ERBB4: variants seen among roughly 807,000 people sequenced by gnomAD.
ERBB4 encodes receptor tyrosine-protein kinase erbB-4.
ERBB4 carries 42 observed loss-of-function variants against 158.0 expected under a neutral mutation model. The observed-to-expected ratio is 0.27, with a 90% confidence interval of 0.21 to 0.34. The LOEUF (loss-of-function observed/expected upper bound fraction) is 0.34. Ranked by LOEUF, ERBB4 falls within the 10% of genes least tolerant of loss-of-function variation. The pLI is 1.00. For synonymous variants in ERBB4, 583 were observed against 558.7 expected (o/e 1.04, Z -0.61); for missense variants, 1,333 against 1,624.1 (o/e 0.82, Z 3.08).
intron 3 of ERBB4, among the ~76,000 whole-genome samples, chr2:211,903,914 T>G (rs2079305600): frequency 6.6e-6 from 1 of 152,076 alleles, no homozygotes; most frequent in South Asian, 2.1e-4. Context: ...CTTATATATC[T>G]TATTTCATTA....
At chr2:212,015,039 AAAATATATATATATATATATATAT>A (rs2076480105) in intron 2 of ERBB4, among the ~76,000 whole-genome samples, 1 of 14,436 alleles carries the variant, frequency 6.9e-5, no homozygotes, top group African/African-American at 1.4e-4. Flanking sequence ...AAAAAAAAAA[AAAATATATATATATATATATATAT>A]ATATATATAT....
intron 1 of ERBB4, among the ~76,000 whole-genome samples, chr2:212,340,909 CAGTT>C (rs1259958909): frequency 1.3e-5 from 2 of 152,122 alleles, no homozygotes; most frequent in Non-Finnish European, 2.9e-5. Context: ...TCATCTATCT[CAGTT>C]AAGATTTTTA....
chr2:212,336,596 A>T (rs1231504421), intron 1 of ERBB4, among the ~76,000 whole-genome samples: 1 of 152,078 alleles, frequency 6.6e-6, no homozygotes, highest in African/African-American at 2.4e-5. Context: ...CCGAAATCAC[A>T]GACAAAATTT....
intron 1 of ERBB4, among the ~76,000 whole-genome samples, chr2:212,134,676 C>CTTTTTTTTTTT (rs869141215): frequency 2.9e-5 from 2 of 69,056 alleles, no homozygotes; most frequent in African/African-American, 6.3e-5. Context: ...TAAACACTTT[C>CTTTTTTTTTTT]TTTTTTTTTT....
intron 1 of ERBB4, among the ~76,000 whole-genome samples, chr2:212,175,609 T>TTTTC (rs199998937): frequency 5.2e-4 from 44 of 84,376 alleles, no homozygotes; most frequent in Admixed American, 1.7e-3. Flanking sequence ...GAATATGTAT[T>TTTTC]TTTTTTTTTT....
Position 211,856,653 on chromosome 2 carries a change from C to T in ERBB4, c.422-68494G>A, listed in dbSNP as rs143378213. 1.2e-3 allele frequency among the ~76,000 whole-genome samples: 175 copies of T among 152,170 alleles called. 1 individual carries two copies. The highest frequency in any genetic ancestry group is 1.7e-3 in the Non-Finnish European group (118 of 68,004). ...CCGCCCGCCTCGGCCTTCCAAAGTG[C>T]AGGGATTACAGGCGTGAGCCACTGC... On this transcript the variant is annotated intron_variant, in intron 3 of 27. Transcript: ENST00000342788.
intron 2 of ERBB4, among the ~76,000 whole-genome samples, chr2:211,961,680 A>G (rs2081183752): frequency 6.6e-6 from 1 of 152,202 alleles, no homozygotes. Context: ...AGTATTATAA[A>G]GTCTCTGGAT....
chr2:212,447,436 T>A (rs2047950), intron 1 of ERBB4, among the ~76,000 whole-genome samples: 59,670 of 152,022 alleles, frequency 0.39, 12,467 homozygotes, highest in African/African-American at 0.48. Flanking sequence ...TAATAATTAC[T>A]TTTTCCCAGA....
At chr2:212,434,627 TA>T (rs928417041) in intron 1 of ERBB4, among the ~76,000 whole-genome samples, 3 of 151,924 alleles carry the variant, frequency 2.0e-5, no homozygotes, top group Admixed American at 1.3e-4. Flanking sequence ...TTCATCTTAG[TA>T]AACTTCAAAT....
At chr2:211,676,639 A>G (rs2072085024) in intron 13 of ERBB4, among the ~76,000 whole-genome samples, 1 of 152,190 alleles carries the variant, frequency 6.6e-6, no homozygotes, top group African/African-American at 2.4e-5. Context: ...AGTCCTATAT[A>G]GTGTTGCGAG....
intron 17 of ERBB4, among the ~76,000 whole-genome samples, chr2:211,625,724 A>G (rs1370832622): frequency 6.6e-6 from 1 of 152,192 alleles, no homozygotes; most frequent in African/African-American, 2.4e-5. Context: ...TTTGATACAT[A>G]TGCTATATGT....
intron 2 of ERBB4, among the ~76,000 whole-genome samples, chr2:211,984,762 A>G (rs2125238883): frequency 6.6e-6 from 1 of 152,080 alleles, no homozygotes; most frequent in South Asian, 2.1e-4. Flanking sequence ...TTTTAGATGG[A>G]GTTTTGCTGG....
intron 1 of ERBB4, among the ~76,000 whole-genome samples, chr2:212,281,954 TAA>T (rs933690722): frequency 6.6e-6 from 1 of 151,812 alleles, no homozygotes; most frequent in African/African-American, 2.4e-5. Flanking sequence ...TTTATAAAAC[TAA>T]AAGTCAAAAA....
At chr2:211,513,316 A>G (rs966607254) in intron 20 of ERBB4, among the ~76,000 whole-genome samples, 1 of 141,310 alleles carries the variant, frequency 7.1e-6, no homozygotes, top group African/African-American at 2.6e-5. Context: ...GCGCCACTGC[A>G]GTCCGCAGTC....
intron 3 of ERBB4, among the ~76,000 whole-genome samples, chr2:211,880,288 A>G (rs1353143085): frequency 6.6e-6 from 1 of 152,112 alleles, no homozygotes; most frequent in Non-Finnish European, 1.5e-5. Context: ...CTGTTTTTCC[A>G]TTCATTAAAA....
chr2:211,540,369 C>T (rs1180079831), intron 20 of ERBB4, among the ~76,000 whole-genome samples: 1 of 151,818 alleles, frequency 6.6e-6, no homozygotes, highest in Non-Finnish European at 1.5e-5. Flanking sequence ...GCAACTCGTA[C>T]ACATAATTGC....
intron 1 of ERBB4, among the ~76,000 whole-genome samples, chr2:212,424,589 A>G (rs2091865328): frequency 6.6e-6 from 1 of 152,150 alleles, no homozygotes; most frequent in Admixed American, 6.6e-5. Context: ...ATATACTAAA[A>G]CTTTGCTAAA....
At chr2:211,756,714 C>A (rs189477405) in intron 4 of ERBB4, among the ~76,000 whole-genome samples, 1 of 152,184 alleles carries the variant, frequency 6.6e-6, no homozygotes, top group Admixed American at 6.5e-5. Context: ...AAAAGCACTT[C>A]CAGAGATTCT....
Position 211,737,718 on chromosome 2 carries a change from G to A in ERBB4, c.623-12524C>T, listed in dbSNP as rs182200184. Among the ~76,000 whole-genome samples the A allele has an allele frequency of 2.0e-3, 312 of 152,202 alleles. 1 individual carries two copies. The highest frequency in any genetic ancestry group is 6.8e-3 in the African/African-American group (284 of 41,540). On this transcript the variant is annotated intron_variant, in intron 5 of 27. Coordinates refer to ENST00000342788, the MANE Select transcript of ERBB4 (RefSeq NM_005235.3). ...TGTATTATGGGAAATTATTAATTTG[G>A]AATAGTGCCTAACATGCAGTGAACA...
Sources: allele counts gnomAD v4.1 joint callset (sites outside exome capture counted in the v4.1 genomes callset), GRCh38; gene constraint gnomAD v4.1.1; transcripts MANE v1.5; gene names NCBI Gene and HGNC (gene_info 2026-07-23, HGNC 2026-07-21).